DGKH: variants seen among roughly 807,000 people sequenced by gnomAD.
DGKH encodes the protein DAG kinase eta.
A neutral mutation model predicts 159.3 loss-of-function variants in DGKH; 90 were observed. That is an observed-to-expected ratio of 0.57 (90% CI 0.48 to 0.67). The LOEUF is 0.67. DGKH is among the 30% of genes least tolerant of loss of function. The pLI, the probability that DGKH is intolerant of heterozygous loss-of-function variation, is 0.00. For missense variants in DGKH, 1,181 were observed against 1,506.1 expected, an observed-to-expected ratio of 0.78 and a Z score of 3.57; for synonymous variants, 536 against 553.8, an observed-to-expected ratio of 0.97 and a Z score of 0.45.
chr13:42,068,301 T>C (rs1385434921), intron 1 of DGKH, among the ~76,000 whole-genome samples: 1 of 152,230 alleles, frequency 6.6e-6, no homozygotes, highest in Non-Finnish European at 1.5e-5. Flanking sequence ...AACACTTCAC[T>C]ATAAAGAATG....
At chr13:42,086,333 T>A (rs1420960624) in intron 1 of DGKH, among the ~76,000 whole-genome samples, 1 of 152,250 alleles carries the variant, frequency 6.6e-6, no homozygotes, top group Non-Finnish European at 1.5e-5. Flanking sequence ...GTGTTTATTA[T>A]GAAGAAGTGA....
chr13:42,201,835 A>C (rs1594197756), intron 20 of DGKH, among the ~76,000 whole-genome samples: 1 of 152,242 alleles, frequency 6.6e-6, no homozygotes, highest in Non-Finnish European at 1.5e-5. Flanking sequence ...ATGTCTAATA[A>C]ATACCATAAC....
At chr13:42,221,147 C>A (rs1957960413) in intron 28 of DGKH, 117 bp from the exon 29 acceptor site, 4 of 1,355,430 alleles carry the variant, frequency 3.0e-6, no homozygotes, top group Non-Finnish European at 4.0e-6. Flanking sequence ...CACCTTTAAC[C>A]TTTTCTTTTG....
At chr13:42,121,661 C>T (rs1955074210) in intron 1 of DGKH, among the ~76,000 whole-genome samples, 3 of 152,220 alleles carry the variant, frequency 2.0e-5, no homozygotes, top group Admixed American at 2.0e-4. Context: ...TGTCAGGACT[C>T]ATTCCTTCTC....
At position 42,240,193 on chromosome 13, in the gene DGKH, TTG is replaced by T. The variant is rs1306662667; in HGVS notation, c.*11009_*11010del. ...ATAGAAAACCCGAACTTCTCTATAT[TTG>T]TGTACTTTCACAAACAAAGGCTTAG... On this transcript the variant is annotated 3_prime_UTR_variant, in exon 30 of 30. Coordinates refer to ENST00000337343, the MANE Select transcript of DGKH (RefSeq NM_178009.5). 6.6e-6 allele frequency: 1 copy of T among 152,238 alleles called. No individual in the cohort carries two copies. The highest frequency in any genetic ancestry group is 1.5e-5 in the Non-Finnish European group (1 of 68,042). 9.4% of individuals were successfully genotyped at this position (152,238 alleles called of 1,614,324 possible).
chr13:42,158,606 C>CT (rs1956100800), intron 5 of DGKH, among the ~76,000 whole-genome samples: 1 of 152,016 alleles, frequency 6.6e-6, no homozygotes, highest in Admixed American at 6.6e-5. Context: ...TTAGTGAAGC[C>CT]TGTAGTGACA....
intron 3 of DGKH, among the ~76,000 whole-genome samples, chr13:42,137,688 C>T (rs1341597865): frequency 6.6e-6 from 1 of 152,160 alleles, no homozygotes; most frequent in Non-Finnish European, 1.5e-5. Flanking sequence ...GCTGGTCAGA[C>T]TACAAATTTA....
At chr13:42,071,514 A>G (rs538413899) in intron 1 of DGKH, among the ~76,000 whole-genome samples, 2 of 152,390 alleles carry the variant, frequency 1.3e-5, no homozygotes, top group East Asian at 3.9e-4. Context: ...CAGTGCAGAT[A>G]CATTCAGTGT....
At chr13:42,159,112 A>G (rs1269951352) in intron 5 of DGKH, among the ~76,000 whole-genome samples, 154 bp from the exon 6 acceptor site, 4 of 152,040 alleles carry the variant, frequency 2.6e-5, no homozygotes, top group Non-Finnish European at 5.9e-5. Flanking sequence ...TACCATTACT[A>G]TTGTTGCAGA....
At chr13:42,099,359 G>A (rs1204213322) in intron 1 of DGKH, among the ~76,000 whole-genome samples, 1 of 152,012 alleles carries the variant, frequency 6.6e-6, no homozygotes, top group Non-Finnish European at 1.5e-5. Context: ...GCTGAATAAG[G>A]GCCCTGAAGG....
intron 1 of DGKH, among the ~76,000 whole-genome samples, chr13:42,119,586 A>G (rs1284200123): frequency 6.6e-6 from 1 of 152,182 alleles, no homozygotes; most frequent in Non-Finnish European, 1.5e-5. Flanking sequence ...TATCCTCTTA[A>G]AAGTTTTTAG....
intron 29 of DGKH, among the ~76,000 whole-genome samples, chr13:42,225,786 AG>A (rs1415736047): frequency 6.6e-6 from 1 of 151,354 alleles, no homozygotes; most frequent in East Asian, 1.9e-4. Context: ...AAAAAAAAAA[AG>A]AATATGATAA....
chr13:42,093,604 A>G (rs1954465030), intron 1 of DGKH, among the ~76,000 whole-genome samples: 1 of 152,254 alleles, frequency 6.6e-6, no homozygotes. Context: ...GGTATAAACA[A>G]CGCAAGTGCC....
At position 42,155,803 on chromosome 13, in the gene DGKH, C is replaced by T; in HGVS notation, c.622+4C>T. On this transcript the variant is annotated splice_donor_region_variant and intron_variant, in intron 5 of 29. Coordinates refer to ENST00000337343, the MANE Select transcript of DGKH (RefSeq NM_178009.5). ...TCCCATGGCCTGTCCTGCGAAGGTACTGTAGCACCTAGCATGTGTTTTCTC... is the reference window on the plus strand; with the variant it reads ...TCCCATGGCCTGTCCTGCGAAGGTATTGTAGCACCTAGCATGTGTTTTCTC... The T allele has an allele frequency of 6.2e-7, 1 of 1,614,050 alleles. No homozygotes were observed. Among genetic ancestry groups the T allele is most frequent in the Non-Finnish European group, 8.5e-7 (1 of 1,179,980 alleles).
At position 42,225,588 on chromosome 13, in the gene DGKH, C is replaced by A. The variant is rs1240467387; in HGVS notation, c.3574-3511C>A. Among the ~76,000 whole-genome samples the A allele has an allele frequency of 7.2e-5, 11 of 152,002 alleles. 1 individual carries two copies. The highest frequency in any genetic ancestry group is 7.2e-4 in the Admixed American group (11 of 15,274). Reference sequence around the variant, plus strand: ...AAGAGTTCAAGACCAGCCTGACCAACATGGTGAAACCACATCTCTACTAAA... The same window carrying A: ...AAGAGTTCAAGACCAGCCTGACCAAAATGGTGAAACCACATCTCTACTAAA... On this transcript the variant is annotated intron_variant, in intron 29 of 29. Transcript: ENST00000337343.
chr13:42,164,209 G>T (rs1483702215), intron 7 of DGKH, among the ~76,000 whole-genome samples: 9 of 152,094 alleles, frequency 5.9e-5, no homozygotes, highest in Non-Finnish European at 1.2e-4. Context: ...TGTCATCCAG[G>T]TCTGTGGACA....
intron 13 of DGKH, among the ~76,000 whole-genome samples, chr13:42,184,247 T>C (rs1236873207): frequency 1.3e-5 from 2 of 152,192 alleles, no homozygotes; most frequent in Non-Finnish European, 1.5e-5. Flanking sequence ...TTTTCAGATA[T>C]GATGACCCTG....
chr13:42,086,903 G>A (rs1168832278), intron 1 of DGKH, among the ~76,000 whole-genome samples: 1 of 152,154 alleles, frequency 6.6e-6, no homozygotes, highest in Admixed American at 6.5e-5. Flanking sequence ...GCTAGAATTT[G>A]TGGGGGAAAA....
At chr13:42,160,321 C>A (rs1383664702) in intron 7 of DGKH, among the ~76,000 whole-genome samples, 185 bp downstream of exon 7, 1 of 152,178 alleles carries the variant, frequency 6.6e-6, no homozygotes, top group African/African-American at 2.4e-5. Flanking sequence ...GTTTCAAATG[C>A]CCTGTAAAAC....
Sources: allele counts gnomAD v4.1 joint callset (sites outside exome capture counted in the v4.1 genomes callset), GRCh38; gene constraint gnomAD v4.1.1; transcripts MANE v1.5; gene names NCBI Gene and HGNC (gene_info 2026-07-23, HGNC 2026-07-21).